TSPYL6: variants seen among roughly 807,000 people sequenced by gnomAD.
The protein encoded by TSPYL6 is TSPY like 6.
For missense variants in TSPYL6, 699 were observed against 531.5 expected, an observed-to-expected ratio of 1.32 and a Z score of -3.10; for synonymous variants, 259 against 214.8, an observed-to-expected ratio of 1.21 and a Z score of -1.80.
rs1460542854 is a variant in TSPYL6 at position 54,256,056 on chromosome 2, C to T, written c.96G>A (p.Ala32=). The T allele has an allele frequency of 1.4e-5, 22 of 1,614,060 alleles. No homozygotes were observed. The highest frequency in any genetic ancestry group is 8.3e-5 in the Admixed American group (5 of 60,000). ...QGQRSREKSK[A]TEVMADMFDG... ...CAAACATATCTGCCATTACCTCTGT[C>T]GCCTTGCTCTTTTCTCGGGACCTCT... The change falls in exon 1 of 1, where the codon GCG becomes GCA. Residue 32 remains alanine (A), a synonymous_variant. Coordinates refer to ENST00000317802, the MANE Select transcript of TSPYL6 (RefSeq NM_001003937.3).
At position 54,256,137 on chromosome 2, in the gene TSPYL6, C is replaced by T. The variant is rs765864092; in HGVS notation, c.15G>A (p.Glu5=). The T allele has an allele frequency of 1.2e-6, 2 of 1,612,042 alleles. No homozygotes were observed. The highest frequency in any genetic ancestry group is 8.5e-7 in the Non-Finnish European group (1 of 1,178,626). Residue 5 remains glutamate, a synonymous_variant, in exon 1 of 1, where the codon GAG becomes GAA. Coordinates refer to ENST00000317802, the MANE Select transcript of TSPYL6 (RefSeq NM_001003937.3). The part of the protein sequence containing the change: MSLP[E]SPHSPATLDY... The stretch of plus-strand genomic sequence containing the variant: ...CGAGAGTAGCGGGGCTGTGAGGACT[C>T]TCCGGGAGGCTCATGTTGGTAGCGG...
At position 54,256,132 on chromosome 2, in the gene TSPYL6, G is replaced by C; in HGVS notation, c.20C>G (p.Pro7Arg). 1 of 1,613,364 alleles carries C rather than the reference G, an allele frequency of 6.2e-7. No individual in the cohort carries two copies. Among genetic ancestry groups the C allele is most frequent in the South Asian group, 1.1e-5 (1 of 90,958 alleles). Residue 7 changes from proline (P) to arginine (R), a missense_variant, in exon 1 of 1, where the codon CCT (proline) becomes CGT (arginine). Transcript: ENST00000317802. ...ATAGTCGAGAGTAGCGGGGCTGTGA[G>C]GACTCTCCGGGAGGCTCATGTTGGT... is the stretch of plus-strand genomic sequence containing the variant. The part of the protein sequence containing the change: MSLPES[P>R]HSPATLDYAL...
Position 54,254,403 on chromosome 2 carries a change from A to C in TSPYL6, c.*516T>G. 6.5e-6 allele frequency: 1 copy of C among 153,964 alleles called. No homozygotes were observed. Among genetic ancestry groups the C allele is most frequent in the Non-Finnish European group, 1.4e-5 (1 of 69,334 alleles). 9.5% of individuals were successfully genotyped at this position (153,964 alleles called of 1,614,324 possible). ...GGAATAGCCAGTAGCAGGCAGCAATAGGTGACCAGTCTCAGGAAAAGTAAT... is the reference window on the plus strand; with the variant it reads ...GGAATAGCCAGTAGCAGGCAGCAATCGGTGACCAGTCTCAGGAAAAGTAAT... On this transcript the variant is annotated 3_prime_UTR_variant, in exon 1 of 1. Coordinates refer to ENST00000317802, the MANE Select transcript of TSPYL6 (RefSeq NM_001003937.3).
At position 54,254,975 on chromosome 2, in the gene TSPYL6, G is replaced by A. The variant is rs763659704; in HGVS notation, c.1177C>T (p.Arg393Cys). 6.2e-6 allele frequency: 10 copies of A among 1,613,812 alleles called. No homozygotes were observed. Among genetic ancestry groups the A allele is most frequent in the Middle Eastern group, 1.7e-4 (1 of 6,042 alleles). ...LGEDAHRARR[R>C]LVREPVEIPR... ...ATCTCCACTGGCTCCCTTACCAGGC[G>A]ACGTCTAGCTCTATGGGCGTCTTCA... Residue 393 changes from arginine to cysteine, a missense_variant, in exon 1 of 1, where the codon CGC becomes TGC. Arg to Cys is a radical substitution (Grantham distance 180). Coordinates refer to ENST00000317802, the MANE Select transcript of TSPYL6 (RefSeq NM_001003937.3).
At position 54,255,003 on chromosome 2, in the gene TSPYL6, C is replaced by G. The variant is rs1187407254; in HGVS notation, c.1149G>C (p.Leu383Phe). Residue 383 changes from leucine to phenylalanine, a missense_variant, in exon 1 of 1, where the codon TTG becomes TTC. Physicochemically the swap from Leu to Phe is conservative, Grantham distance 22. Transcript: ENST00000317802. ...LWSNPLQYYL[L>F]GEDAHRARRR... ...GTCTAGCTCTATGGGCGTCTTCACC[C>G]AACAGGTAGTACTGCAGTGGATTTG... The G allele has an allele frequency of 1.9e-6, 3 of 1,614,128 alleles. No homozygotes were observed. Among genetic ancestry groups the G allele is most frequent in the African/African-American group, 1.3e-5 (1 of 75,028 alleles).
rs1220985525 is a variant in TSPYL6 at position 54,254,387 on chromosome 2, AG to A, written c.*531del. ...CAAGTAGCAGTACTTGGGAATAGCC[AG>A]TAGCAGGCAGCAATAGGTGACCAGT... is the stretch of plus-strand genomic sequence containing the variant. On this transcript the variant is annotated 3_prime_UTR_variant, in exon 1 of 1. Transcript: ENST00000317802. 1 of 153,602 alleles carries A rather than the reference AG, an allele frequency of 6.5e-6. No individual in the cohort carries two copies. Among genetic ancestry groups the A allele is most frequent in the Non-Finnish European group, 1.4e-5 (1 of 69,134 alleles). 9.5% of individuals were successfully genotyped at this position (153,602 alleles called of 1,614,324 possible). A position where few individuals can be genotyped will look rare whatever the true frequency, so the allele number is the denominator to read the frequency against.
rs759178976 is a variant in TSPYL6 at position 54,255,650 on chromosome 2, C to T, written c.502G>A (p.Gly168Ser). The change falls in exon 1 of 1, where the codon GGC becomes AGC. Residue 168 changes from glycine to serine, a missense_variant. By Grantham distance (56) the Gly-to-Ser change is moderately conservative. Coordinates refer to ENST00000317802, the MANE Select transcript of TSPYL6 (RefSeq NM_001003937.3). The stretch of plus-strand genomic sequence containing the variant: ...TCTTCCGCCACGTCCATTTCTTCGC[C>T]TCCTGGCTTCTCATCCACTGGGGCT... ...FSAPVDEKPGGEEMDVAEENR... is the reference protein window; with the variant it reads ...FSAPVDEKPGSEEMDVAEENR... 6 of 1,613,674 alleles carry T rather than the reference C, an allele frequency of 3.7e-6. No homozygotes were observed. The highest frequency in any genetic ancestry group is 1.3e-5 in the African/African-American group (1 of 74,914).
In TSPYL6 at chr2:54,256,183, G is replaced by C. The variant is rs1243012340; in HGVS notation, c.-32C>G. ...AGCGGCCAGGGCAGCAGTGGGTAGA[G>C]GCCAGGCCAGAGGTAGGTAGCGTCA... On this transcript the variant is annotated 5_prime_UTR_variant, in exon 1 of 1. Coordinates refer to ENST00000317802, the MANE Select transcript of TSPYL6 (RefSeq NM_001003937.3). 2.5e-6 allele frequency: 4 copies of C among 1,581,120 alleles called. No homozygotes were observed. The highest frequency in any genetic ancestry group is 2.3e-5 in the South Asian group (2 of 85,904).
Sources: allele counts gnomAD v4.1 joint callset, GRCh38; gene constraint gnomAD v4.1.1; transcripts MANE v1.5; gene names NCBI Gene and HGNC (gene_info 2026-07-23, HGNC 2026-07-21).